The following GRIK2 variants were observed in gnomAD, a reference collection of about 807,000 sequenced individuals.
GRIK2 encodes glutamate ionotropic receptor kainate type subunit 2.
A neutral mutation model predicts 100.3 loss-of-function variants in GRIK2; 32 were observed. The observed-to-expected ratio is 0.32, with a 90% CI of 0.24 to 0.43. The LOEUF (loss-of-function observed/expected upper bound fraction) is 0.43. Among genes scored for constraint, GRIK2 ranks in the 20% least tolerant of loss-of-function variants. The pLI is 1.00. For synonymous variants in GRIK2, 417 were observed against 389.4 expected (o/e 1.07, Z -0.83); for missense variants, 843 against 1,114.9 (o/e 0.76, Z 3.47).
At chr6:101,418,736 C>T (rs1448881852) in intron 2 of GRIK2, among the ~76,000 whole-genome samples, 1 of 152,036 alleles carries the variant, frequency 6.6e-6, no homozygotes, top group Non-Finnish European at 1.5e-5. Flanking sequence ...TTAAACTCTC[C>T]TAAAAGAAGG....
intron 12 of GRIK2, among the ~76,000 whole-genome samples, chr6:101,919,007 A>C (rs539216790): frequency 6.6e-6 from 1 of 151,802 alleles, no homozygotes; most frequent in Non-Finnish European, 1.5e-5. Context: ...GAGGAAGAGG[A>C]CTTTTCACTT....
intron 14 of GRIK2, among the ~76,000 whole-genome samples, chr6:102,029,231 A>C (rs1054102023): frequency 1.3e-5 from 2 of 151,162 alleles, no homozygotes; most frequent in Non-Finnish European, 3.0e-5. Context: ...GATTTTAATC[A>C]GGTCCCTTGG....
intron 2 of GRIK2, among the ~76,000 whole-genome samples, chr6:101,414,388 T>C (rs1306071366): frequency 2.0e-5 from 3 of 152,208 alleles, no homozygotes; most frequent in African/African-American, 7.2e-5. Context: ...TTTTATATGA[T>C]TATATATATG....
chr6:101,810,957 A>G (rs1323926040), intron 9 of GRIK2, among the ~76,000 whole-genome samples: 1 of 152,090 alleles, frequency 6.6e-6, no homozygotes, highest in African/African-American at 2.4e-5. Flanking sequence ...ACTAGTGTAT[A>G]TTCAGTCAAT....
intron 2 of GRIK2, among the ~76,000 whole-genome samples, chr6:101,557,101 A>T (rs183332376): frequency 9.1e-4 from 139 of 152,314 alleles, no homozygotes; most frequent in Middle Eastern, 3.4e-3. Context: ...TTAAATGCTT[A>T]GAAAGTTGGC....
chr6:101,972,710 G>T (rs1793125751), intron 14 of GRIK2, among the ~76,000 whole-genome samples: 1 of 151,790 alleles, frequency 6.6e-6, no homozygotes, highest in African/African-American at 2.4e-5. Flanking sequence ...TTAATCTTGG[G>T]TTGATTTTTA....
At chr6:102,055,614 C>T (rs1562143688) in intron 16 of GRIK2, 34 bp downstream of exon 16, 1 of 1,519,742 alleles carries the variant, frequency 6.6e-7, no homozygotes. Flanking sequence ...AAATTTAAAA[C>T]AATTTTTGTT....
chr6:102,065,619 T>C (rs1405504662), intron 16 of GRIK2, among the ~76,000 whole-genome samples: 1 of 151,468 alleles, frequency 6.6e-6, no homozygotes, highest in Non-Finnish European at 1.5e-5. Flanking sequence ...AAAATTGAGA[T>C]TGCCAAGAAG....
intron 4 of GRIK2, among the ~76,000 whole-genome samples, chr6:101,665,659 T>C (rs1463080885): frequency 6.6e-6 from 1 of 152,168 alleles, no homozygotes; most frequent in Admixed American, 6.6e-5. Context: ...ATAGGAGCAA[T>C]ACTAGTTAGG....
At chr6:101,574,030 G>T (rs1777678684) in intron 2 of GRIK2, among the ~76,000 whole-genome samples, 1 of 151,396 alleles carries the variant, frequency 6.6e-6, no homozygotes, top group Non-Finnish European at 1.5e-5. Context: ...TCTCTTTAAT[G>T]CACTCAAAAT....
At chr6:101,740,576 C>T (rs1583053897) in intron 7 of GRIK2, among the ~76,000 whole-genome samples, 1 of 152,122 alleles carries the variant, frequency 6.6e-6, no homozygotes, top group African/African-American at 2.4e-5. Context: ...CATGTTTAAA[C>T]ATACGTATTA....
At chr6:101,569,292 T>A (rs1032032396) in intron 2 of GRIK2, among the ~76,000 whole-genome samples, 2 of 151,844 alleles carry the variant, frequency 1.3e-5, no homozygotes, top group African/African-American at 2.4e-5. Context: ...AAAATAAAAT[T>A]AAGCAAAAAT....
chr6:101,908,823 T>G (rs1385319099), intron 12 of GRIK2, among the ~76,000 whole-genome samples: 1 of 150,972 alleles, frequency 6.6e-6, no homozygotes, highest in Non-Finnish European at 1.5e-5. Context: ...CTAAGGCAAA[T>G]GAAATATCAA....
intron 7 of GRIK2, among the ~76,000 whole-genome samples, chr6:101,749,992 T>C (rs1776686369): frequency 6.6e-6 from 1 of 151,842 alleles, no homozygotes; most frequent in African/African-American, 2.4e-5. Flanking sequence ...TTTACTTTTT[T>C]TTGGTAGGGA....
chr6:102,035,370 G>A lies in GRIK2; in HGVS notation c.2115G>A (p.Met705Ile), dbSNP rs1456462607. The change falls in exon 15 of 17, where the codon ATG becomes ATA. Residue 705 changes from methionine to isoleucine, a missense_variant. Coordinates refer to ENST00000369134, the MANE Select transcript of GRIK2 (RefSeq NM_021956.5). ...CAAAAATCTCCACGTATGACAAAAT[G>A]TGGGCCTTTATGAGTAGCAGAAGGC... Reference protein sequence around the residue: ...KKSKISTYDKMWAFMSSRRQS... With the variant: ...KKSKISTYDKIWAFMSSRRQS... The A allele has an allele frequency of 6.2e-7, 1 of 1,605,844 alleles. No individual in the cohort carries two copies. Among genetic ancestry groups the A allele is most frequent in the African/African-American group, 1.3e-5 (1 of 74,534 alleles).
intron 14 of GRIK2, among the ~76,000 whole-genome samples, chr6:102,034,787 A>C (rs1770176021): frequency 6.6e-6 from 1 of 151,388 alleles, no homozygotes; most frequent in Admixed American, 6.6e-5. Flanking sequence ...CTTTATTTGT[A>C]ACATCCTTAT....
At chr6:101,595,604 G>A (rs682641) in intron 2 of GRIK2, among the ~76,000 whole-genome samples, 57,000 of 149,136 alleles carry the variant, frequency 0.38, 11,808 homozygotes, top group African/African-American at 0.56. Context: ...ACACACACAG[G>A]TACAAACACA....
At chr6:102,051,460 T>C (rs913900815) in intron 15 of GRIK2, among the ~76,000 whole-genome samples, 1 of 152,144 alleles carries the variant, frequency 6.6e-6, no homozygotes, top group Non-Finnish European at 1.5e-5. Flanking sequence ...AGAGCAGCGA[T>C]ATAGAAAGTA....
intron 14 of GRIK2, among the ~76,000 whole-genome samples, chr6:101,953,420 C>G (rs780752412): frequency 7.2e-5 from 11 of 152,154 alleles, no homozygotes; most frequent in Non-Finnish European, 1.2e-4. Flanking sequence ...TCCTCACCAA[C>G]ACTTACTATT....
Sources: gnomAD v4.1 joint callset for allele counts (sites outside exome capture counted in the v4.1 genomes callset) on GRCh38, gnomAD v4.1.1 for gene constraint, MANE v1.5 for transcripts, NCBI Gene and HGNC (gene_info 2026-07-23, HGNC 2026-07-21) for gene names.